The following SDCCAG8 variants were observed in gnomAD, a reference collection of about 807,000 sequenced individuals.
SDCCAG8 encodes serologically defined colon cancer antigen 8.
Under a neutral mutation model 101.8 loss-of-function variants are expected in SDCCAG8, and 74 were observed. The ratio of observed to expected loss-of-function variants is 0.73; its 90% confidence interval spans 0.60 to 0.88. SDCCAG8 has a LOEUF of 0.88. Among genes scored for constraint, SDCCAG8 ranks in the 40% least tolerant of loss-of-function variants. SDCCAG8 has a pLI of 0.00. For synonymous variants in SDCCAG8, 281 were observed against 292.9 expected, an observed-to-expected ratio of 0.96 and a Z score of 0.41; for missense variants, 787 against 822.6, an observed-to-expected ratio of 0.96 and a Z score of 0.53.
At chr1:243,464,907 G>A (rs1358568807) in intron 16 of SDCCAG8, among the ~76,000 whole-genome samples, 1 of 152,198 alleles carries the variant, frequency 6.6e-6, no homozygotes, top group Non-Finnish European at 1.5e-5. Context: ...GTATTCTTCT[G>A]TGTGTTGTTT....
chr1:243,363,939 A>G (rs1398413897), intron 12 of SDCCAG8, among the ~76,000 whole-genome samples: 4 of 152,198 alleles, frequency 2.6e-5, no homozygotes, highest in African/African-American at 9.7e-5. Flanking sequence ...GCTGCTTGCT[A>G]AAATTAGTTA....
At position 243,479,287 on chromosome 1, in the gene SDCCAG8, G is replaced by T. The variant is rs1187275532; in HGVS notation, c.1986-9727G>T. 2.0e-5 allele frequency among the ~76,000 whole-genome samples: 3 copies of T among 152,326 alleles called. No individual in the cohort carries two copies. The East Asian group carries it at 5.8e-4, about 29-fold the overall frequency. ...GTAAAATCTGTAAAGTAATAGGATT[G>T]TAGAAATATGGAGCTGGAGGAGAAT... On this transcript the variant is annotated intron_variant, in intron 16 of 17. Coordinates refer to ENST00000366541, the MANE Select transcript of SDCCAG8 (RefSeq NM_006642.5).
intron 13 of SDCCAG8, among the ~76,000 whole-genome samples, chr1:243,411,189 C>T (rs1375517191): frequency 6.6e-6 from 1 of 152,142 alleles, no homozygotes; most frequent in Non-Finnish European, 1.5e-5. Flanking sequence ...TTATGGCTCA[C>T]TGTAGCCTCA....
intron 16 of SDCCAG8, among the ~76,000 whole-genome samples, chr1:243,452,181 A>G (rs968148108): frequency 5.3e-5 from 8 of 152,128 alleles, no homozygotes; most frequent in African/African-American, 1.7e-4. Context: ...GCTCTCTGGG[A>G]TTACTGGTGT....
At chr1:243,315,481 CT>C (rs1420479350) in intron 8 of SDCCAG8, among the ~76,000 whole-genome samples, 2 of 152,118 alleles carry the variant, frequency 1.3e-5, no homozygotes, top group African/African-American at 4.8e-5. Flanking sequence ...GAAGATCACT[CT>C]GCTTCCATGA....
chr1:243,307,785 A>C, intron 7 of SDCCAG8: 1 of 1,442,100 alleles, frequency 6.9e-7, no homozygotes, highest in Non-Finnish European at 9.0e-7. Flanking sequence ...AATTTATTCC[A>C]GTCTCATCAT....
intron 12 of SDCCAG8, among the ~76,000 whole-genome samples, chr1:243,369,859 A>T (rs2077188849): frequency 6.6e-6 from 1 of 152,020 alleles, no homozygotes; most frequent in Admixed American, 6.6e-5. Context: ...CAATTAGGAG[A>T]TTTATATATT....
intron 3 of SDCCAG8, 48 bp downstream of exon 3, chr1:243,271,111 G>A: frequency 7.5e-7 from 1 of 1,341,640 alleles, no homozygotes; most frequent in Non-Finnish European, 1.1e-6. Context: ...GTGTTTTACT[G>A]TATTGTGTTA....
chr1:243,368,885 T>C (rs1362307179), intron 12 of SDCCAG8, among the ~76,000 whole-genome samples: 3 of 152,158 alleles, frequency 2.0e-5, no homozygotes, highest in African/African-American at 7.2e-5. Flanking sequence ...ACCTCTGGAA[T>C]GTTTATAAAC....
chr1:243,356,988 C>A (rs964147928), intron 12 of SDCCAG8, among the ~76,000 whole-genome samples: 1 of 151,918 alleles, frequency 6.6e-6, no homozygotes, highest in Non-Finnish European at 1.5e-5. Context: ...CAGAGCAAGA[C>A]CCTGTCTGAA....
At chr1:243,496,329 C>CGAGGCG (rs1558555850) in intron 17 of SDCCAG8, among the ~76,000 whole-genome samples, 1 of 152,150 alleles carries the variant, frequency 6.6e-6, no homozygotes, top group African/African-American at 2.4e-5. Context: ...GCCCAGAACA[C>CGAGGCG]GAGGCGGAGG....
intron 17 of SDCCAG8, 50 bp downstream of exon 17, chr1:243,489,190 A>G (rs1665765633): frequency 1.9e-6 from 3 of 1,601,184 alleles, no homozygotes; most frequent in Admixed American, 1.7e-5. Context: ...GGGCGTCTAC[A>G]GGTGGATCTT....
At chr1:243,430,127 T>C (rs574306404) in intron 16 of SDCCAG8, among the ~76,000 whole-genome samples, 1 of 152,074 alleles carries the variant, frequency 6.6e-6, no homozygotes, top group Non-Finnish European at 1.5e-5. Context: ...TGAGCCACTG[T>C]CCCCAGCAGG....
intron 4 of SDCCAG8, among the ~76,000 whole-genome samples, chr1:243,283,163 C>CTTTG (rs917507958): frequency 5.3e-5 from 8 of 151,858 alleles, no homozygotes; most frequent in African/African-American, 1.7e-4. Context: ...TTTGGGTTTT[C>CTTTG]TTTGTTTGTT....
At chr1:243,308,263 C>A in intron 8 of SDCCAG8, 86 bp downstream of exon 8, 1 of 1,325,026 alleles carries the variant, frequency 7.5e-7, no homozygotes, top group Non-Finnish European at 1.1e-6. Context: ...TAGCCCTATG[C>A]TAAGTCACAT....
At chr1:243,460,038 G>C (rs980179689) in intron 16 of SDCCAG8, among the ~76,000 whole-genome samples, 2 of 151,976 alleles carry the variant, frequency 1.3e-5, no homozygotes, top group Non-Finnish European at 2.9e-5. Context: ...GTCTTATTTT[G>C]TTTGTTCTTT....
At chr1:243,375,854 C>G (rs1013276197) in intron 12 of SDCCAG8, among the ~76,000 whole-genome samples, 1 of 152,126 alleles carries the variant, frequency 6.6e-6, no homozygotes, top group Non-Finnish European at 1.5e-5. Context: ...AACGGTTGGA[C>G]TTGGTGCCAT....
chr1:243,424,915 A>AT (rs1279962835), intron 15 of SDCCAG8, among the ~76,000 whole-genome samples: 3 of 151,806 alleles, frequency 2.0e-5, no homozygotes, highest in East Asian at 1.9e-4. Flanking sequence ...TGGTTTAAGG[A>AT]TTTTTTTTCT....
chr1:243,455,594 T>C (rs2083683544), intron 16 of SDCCAG8, among the ~76,000 whole-genome samples: 1 of 152,154 alleles, frequency 6.6e-6, no homozygotes, highest in South Asian at 2.1e-4. Context: ...TGATCACACT[T>C]GATCATGTTG....
Sources: allele counts gnomAD v4.1 joint callset (sites outside exome capture counted in the v4.1 genomes callset), GRCh38; gene constraint gnomAD v4.1.1; transcripts MANE v1.5; gene names NCBI Gene and HGNC (gene_info 2026-07-23, HGNC 2026-07-21).